The following CNTN4 variants were observed in gnomAD, a reference collection of about 807,000 sequenced individuals.
The protein encoded by CNTN4 is contactin 4, also known as contactin-4.
Under a neutral mutation model 122.5 loss-of-function variants are expected in CNTN4, and 77 were observed. The observed-to-expected ratio is 0.63, with a 90% confidence interval of 0.52 to 0.76. The LOEUF (loss-of-function observed/expected upper bound fraction) is 0.76, where lower values mean the gene tolerates loss of function less well. Ranked by LOEUF, CNTN4 falls within the 30% of genes least tolerant of loss-of-function variation. The pLI, the probability that CNTN4 is intolerant of heterozygous loss-of-function variation, is 0.00. For synonymous variants in CNTN4, 512 were observed against 447.0 expected (o/e 1.15, Z -1.83); for missense variants, 1,256 against 1,259.1 (o/e 1.00, Z 0.04).
intron 3 of CNTN4, among the ~76,000 whole-genome samples, chr3:2,346,751 C>G (rs1320419594): frequency 1.3e-5 from 2 of 152,092 alleles, no homozygotes; most frequent in Non-Finnish European, 2.9e-5. Context: ...TTCCTGCTCA[C>G]TTTTAAGATA....
At chr3:2,419,552 A>G (rs970386100) in intron 3 of CNTN4, among the ~76,000 whole-genome samples, 5 of 152,228 alleles carry the variant, frequency 3.3e-5, no homozygotes, top group African/African-American at 1.2e-4. Context: ...ATAAGGTAAC[A>G]TTGCGAATAG....
At chr3:2,550,924 G>T (rs2078473970) in intron 3 of CNTN4, among the ~76,000 whole-genome samples, 1 of 152,058 alleles carries the variant, frequency 6.6e-6, no homozygotes, top group Non-Finnish European at 1.5e-5. Flanking sequence ...CACAGGGAGG[G>T]GAACATCATA....
chr3:2,165,772 G>C (rs1269107121), intron 2 of CNTN4, among the ~76,000 whole-genome samples: 1 of 151,868 alleles, frequency 6.6e-6, no homozygotes, highest in Non-Finnish European at 1.5e-5. Flanking sequence ...ACATATAAGT[G>C]AGATCACGCA....
chr3:2,682,537 T>C (rs1333434156), intron 4 of CNTN4, among the ~76,000 whole-genome samples: 1 of 152,104 alleles, frequency 6.6e-6, no homozygotes, highest in Non-Finnish European at 1.5e-5. Context: ...CCCACTTCAA[T>C]GAGTAGTTAG....
intron 6 of CNTN4, among the ~76,000 whole-genome samples, chr3:2,818,517 G>A (rs75783023): frequency 0.019 from 2,898 of 152,094 alleles, 78 homozygotes; most frequent in African/African-American, 0.066. Context: ...GGAAGTCCCC[G>A]AATCCAATAA....
intron 2 of CNTN4, among the ~76,000 whole-genome samples, chr3:2,160,815 C>T (rs1030110722): frequency 3.3e-5 from 5 of 152,124 alleles, no homozygotes; most frequent in Non-Finnish European, 5.9e-5. Context: ...GATTTCCATT[C>T]GTCACATTTG....
In CNTN4 at chr3:2,498,759, T is replaced by C. The variant is rs527487150; in HGVS notation, c.-88-72657T>C. Among the ~76,000 whole-genome samples, 5 of 152,126 alleles carry C rather than the reference T, an allele frequency of 3.3e-5. No individual in the cohort carries two copies. In the South Asian group the frequency reaches 1.0e-3, roughly 32 times the overall value. On this transcript the variant is annotated intron_variant, in intron 3 of 24. Transcript: ENST00000418658. ...GGCCTCCCAAAGGGCTGGTATTACA[T>C]GTGTGAGCCACTGCAATTTTTCCTC...
intron 4 of CNTN4, among the ~76,000 whole-genome samples, chr3:2,706,507 A>G (rs80225140): frequency 0.024 from 3,621 of 152,274 alleles, 49 homozygotes; most frequent in Non-Finnish European, 0.037. Context: ...AAAGAGAGTG[A>G]TATCTTGCAT....
chr3:2,141,147 T>C (rs1267829623), intron 2 of CNTN4, among the ~76,000 whole-genome samples: 1 of 152,198 alleles, frequency 6.6e-6, no homozygotes, highest in East Asian at 1.9e-4. Context: ...GGTATTGTGA[T>C]AGGCAGAATG....
At chr3:2,877,422 G>T (rs2093857245) in intron 8 of CNTN4, among the ~76,000 whole-genome samples, 1 of 152,116 alleles carries the variant, frequency 6.6e-6, no homozygotes, top group Non-Finnish European at 1.5e-5. Context: ...TAAAACGTTG[G>T]CAATGAATTA....
At chr3:2,346,701 G>A (rs1421264243) in intron 3 of CNTN4, among the ~76,000 whole-genome samples, 1 of 152,104 alleles carries the variant, frequency 6.6e-6, no homozygotes, top group African/African-American at 2.4e-5. Context: ...TCTGCTGTTA[G>A]TCAAATTGAT....
Position 2,402,164 on chromosome 3 carries a change from G to A in CNTN4, c.-89+62931G>A, listed in dbSNP as rs77845611. ...AGCTATCCTCTTCCTTCAGGGTTCT[G>A]CCCCAAATCTCCCTTGCAGCTGAAT... On this transcript the variant is annotated intron_variant, in intron 3 of 24. Transcript: ENST00000418658. Among the ~76,000 whole-genome samples, 581 of 152,184 alleles carry A rather than the reference G, an allele frequency of 3.8e-3. 4 individuals carry two copies. Among genetic ancestry groups the A allele is most frequent in the African/African-American group, 0.014 (568 of 41,520 alleles).
chr3:2,320,880 CA>C (rs1448020019), intron 2 of CNTN4, among the ~76,000 whole-genome samples: 8 of 151,994 alleles, frequency 5.3e-5, no homozygotes, highest in Non-Finnish European at 8.8e-5. Flanking sequence ...CTAAGGGAAA[CA>C]ACAGTTATAA....
intron 3 of CNTN4, among the ~76,000 whole-genome samples, chr3:2,436,224 T>G (rs2048252898): frequency 6.6e-6 from 1 of 152,102 alleles, no homozygotes; most frequent in Admixed American, 6.6e-5. Context: ...TGGTTCAGGG[T>G]TGTAGATTCA....
rs777408553 is a variant in CNTN4 at position 2,269,914 on chromosome 3, G to GTTTATTTATTTA, written c.-144-69232_-144-69221dup. On this transcript the variant is annotated intron_variant, in intron 2 of 24. Coordinates refer to ENST00000418658, the MANE Select transcript of CNTN4 (RefSeq NM_175607.3). Reference sequence around the variant, plus strand: ...TTATAGCCAGTTTGTTTGTTTGTTTGTTTATTTATTTATTTATTTATTTAT... The same window carrying GTTTATTTATTTA: ...TTATAGCCAGTTTGTTTGTTTGTTTGTTTATTTATTTATTTATTTATTTATTTATTTATTTAT... Among the ~76,000 whole-genome samples, 4 of 54,746 alleles carry GTTTATTTATTTA rather than the reference G, an allele frequency of 7.3e-5. 1 individual carries two copies. The highest frequency in any genetic ancestry group is 2.0e-4 in the African/African-American group (4 of 20,312). The allele number at this position is 54,746 out of a possible 152,430, so 35.9% of individuals were successfully genotyped here. A position where few individuals can be genotyped will look rare whatever the true frequency, so the allele number is the denominator to read the frequency against.
At chr3:2,281,801 C>T (rs1178521) in intron 2 of CNTN4, among the ~76,000 whole-genome samples, 1 of 151,998 alleles carries the variant, frequency 6.6e-6, no homozygotes, top group Non-Finnish European at 1.5e-5. Context: ...CTCTGCTCGT[C>T]TAGCATCATC....
intron 4 of CNTN4, among the ~76,000 whole-genome samples, chr3:2,659,460 C>CAAAAAA (rs59025670): frequency 1.6e-3 from 87 of 53,176 alleles, no homozygotes; most frequent in East Asian, 3.3e-3. Context: ...GACTCCATCT[C>CAAAAAA]AAAAAAAAAA....
At chr3:2,256,596 A>T (rs2040602613) in intron 2 of CNTN4, among the ~76,000 whole-genome samples, 2 of 152,340 alleles carry the variant, frequency 1.3e-5, no homozygotes, top group African/African-American at 2.4e-5. Context: ...ATCCACCATG[A>T]TCAAGTCATC....
intron 13 of CNTN4, among the ~76,000 whole-genome samples, chr3:2,971,651 C>A (rs1339300198): frequency 2.6e-5 from 4 of 152,032 alleles, no homozygotes; most frequent in Non-Finnish European, 5.9e-5. Context: ...TAAGGAACAA[C>A]CTGTATTTTA....
Sources: gnomAD v4.1 joint callset for allele counts (sites outside exome capture counted in the v4.1 genomes callset) on GRCh38, gnomAD v4.1.1 for gene constraint, MANE v1.5 for transcripts, NCBI Gene and HGNC (gene_info 2026-07-23, HGNC 2026-07-21) for gene names.